GTF2E2: variants seen among roughly 807,000 people sequenced by gnomAD.
The protein encoded by GTF2E2 is general transcription factor IIE subunit 2.
A neutral mutation model predicts 40.5 loss-of-function variants in GTF2E2; 21 were observed. The observed-to-expected ratio is 0.52, with a 90% CI of 0.37 to 0.75. The LOEUF (loss-of-function observed/expected upper bound fraction) is 0.75. GTF2E2 is among the 30% of genes least tolerant of loss of function. The probability of loss-of-function intolerance (pLI) is 0.00; values close to 1 mark genes in which losing one functional copy is unlikely to be tolerated. For missense variants in GTF2E2, 298 were observed against 338.4 expected (o/e 0.88, Z 0.94); for synonymous variants, 117 against 121.6 (o/e 0.96, Z 0.25).
chr8:30,615,280 G>A (rs1401799722), intron 3 of GTF2E2, among the ~76,000 whole-genome samples: 1 of 151,984 alleles, frequency 6.6e-6, no homozygotes, highest in Non-Finnish European at 1.5e-5. Flanking sequence ...ACTCTGTCTT[G>A]AAAAAACACA....
chr8:30,623,860 GT>G (rs373450910), intron 3 of GTF2E2, among the ~76,000 whole-genome samples: 2 of 150,854 alleles, frequency 1.3e-5, no homozygotes, highest in East Asian at 1.9e-4. Flanking sequence ...TTTTGATGGG[GT>G]TTTTTTTTCT....
intron 3 of GTF2E2, among the ~76,000 whole-genome samples, chr8:30,631,171 C>A (rs2978268): frequency 0.4 from 60,129 of 151,868 alleles, 12,645 homozygotes; most frequent in African/African-American, 0.55. Flanking sequence ...CAGGCATGTG[C>A]CAACACACCT....
chr8:30,602,710 C>T (rs918214517), intron 6 of GTF2E2, among the ~76,000 whole-genome samples: 3 of 148,838 alleles, frequency 2.0e-5, no homozygotes, highest in Non-Finnish European at 3.0e-5. Context: ...GCCAAGACTG[C>T]ACCATTGCAC....
chr8:30,593,656 C>G (rs925908415), intron 6 of GTF2E2, among the ~76,000 whole-genome samples: 4 of 152,122 alleles, frequency 2.6e-5, no homozygotes, highest in Admixed American at 6.5e-5. Flanking sequence ...ACCACCACAC[C>G]AGGCTGAGTT....
chr8:30,619,232 G>A (rs1585971590), intron 3 of GTF2E2, among the ~76,000 whole-genome samples: 1 of 152,040 alleles, frequency 6.6e-6, no homozygotes, highest in African/African-American at 2.4e-5. Context: ...GAGCCACCGT[G>A]CCCAGTCTAC....
chr8:30,615,122 T>C (rs1217726204), intron 3 of GTF2E2, among the ~76,000 whole-genome samples: 2 of 151,716 alleles, frequency 1.3e-5, no homozygotes, highest in Non-Finnish European at 2.9e-5. Context: ...CTACTAAAAA[T>C]ATAAAAATCA....
intron 6 of GTF2E2, among the ~76,000 whole-genome samples, chr8:30,583,730 TAC>T (rs1828581017): frequency 1.3e-5 from 2 of 152,190 alleles, no homozygotes; most frequent in South Asian, 4.1e-4. Context: ...GATATTACTG[TAC>T]AGATTTATAT....
rs560049079 is a variant in GTF2E2 at position 30,589,992 on chromosome 8, C to T, written c.644-9596G>A. Among the ~76,000 whole-genome samples the T allele has an allele frequency of 3.8e-4, 58 of 152,296 alleles. No homozygotes were observed. In the South Asian group the frequency reaches 0.011, roughly 30 times the overall value. ...AATTTATGAAAATTAAAATCCTGCACATTTTACTGTACAATTCCTGAAGTT... is the reference window on the plus strand; with the variant it reads ...AATTTATGAAAATTAAAATCCTGCATATTTTACTGTACAATTCCTGAAGTT... On this transcript the variant is annotated intron_variant, in intron 6 of 7. Coordinates refer to ENST00000355904, the MANE Select transcript of GTF2E2 (RefSeq NM_002095.6).
In GTF2E2 at chr8:30,578,835, T is replaced by C. The variant is rs916406438; in HGVS notation, c.*86A>G. On this transcript the variant is annotated 3_prime_UTR_variant, in exon 8 of 8. Transcript: ENST00000355904. ...CCTCTCCTCAGCCGCAAGAAGCAGA[T>C]AGGAAGACAGTCTTCAGACCCCGAG... 14 of 770,900 alleles carry C rather than the reference T, an allele frequency of 1.8e-5. No homozygotes were observed. Among genetic ancestry groups the C allele is most frequent in the South Asian group, 8.4e-5 (6 of 71,342 alleles). 47.8% of individuals were successfully genotyped at this position (770,900 alleles called of 1,614,324 possible). A position where few individuals can be genotyped will look rare whatever the true frequency, so the allele number is the denominator to read the frequency against.
chr8:30,631,222 A>C (rs1041433282), intron 3 of GTF2E2, among the ~76,000 whole-genome samples: 20 of 152,112 alleles, frequency 1.3e-4, no homozygotes. Context: ...ACGGGGTTTC[A>C]CCATGTTGGC....
intron 2 of GTF2E2, among the ~76,000 whole-genome samples, chr8:30,651,422 T>A (rs1802272666): frequency 6.6e-6 from 1 of 151,198 alleles, no homozygotes; most frequent in Non-Finnish European, 1.5e-5. Flanking sequence ...AAAAAAAAAA[T>A]CAAAGAAAAC....
At chr8:30,614,811 C>T (rs2151130630) in intron 3 of GTF2E2, 96 bp from the exon 4 acceptor site, 1 of 686,030 alleles carries the variant, frequency 1.5e-6, no homozygotes, top group Non-Finnish European at 2.6e-6. Context: ...GAATGAAAAA[C>T]ATGTATTATT....
chr8:30,639,953 A>G (rs2128725430), intron 2 of GTF2E2, among the ~76,000 whole-genome samples: 1 of 152,200 alleles, frequency 6.6e-6, no homozygotes, highest in East Asian at 1.9e-4. Flanking sequence ...AGCACCAAAC[A>G]AAAGTCTCAG....
At chr8:30,646,979 C>CAAA (rs56762565) in intron 2 of GTF2E2, among the ~76,000 whole-genome samples, 1,564 of 51,140 alleles carry the variant, frequency 0.031, 454 homozygotes, top group African/African-American at 0.042. Context: ...GACTCCGTCT[C>CAAA]AAAAAAAAAA....
rs975436555 is a variant in GTF2E2, at chr8:30,658,173, C to T, written c.-205G>A. 34 of 194,788 alleles carry T rather than the reference C, an allele frequency of 1.7e-4. No individual in the cohort carries two copies. Among genetic ancestry groups the T allele is most frequent in the Non-Finnish European group, 2.7e-4 (26 of 96,284 alleles). 12.1% of individuals were successfully genotyped at this position (194,788 alleles called of 1,614,324 possible). A position where few individuals can be genotyped will look rare whatever the true frequency, so the allele number is the denominator to read the frequency against. On this transcript the variant is annotated 5_prime_UTR_variant, in exon 1 of 8. Coordinates refer to ENST00000355904, the MANE Select transcript of GTF2E2 (RefSeq NM_002095.6). ...GCGGCGGCGGCGGCAGCGGCGGTAG[C>T]TGAGGCGGCGACTGGACCCGGGACT...
chr8:30,589,664 T>A (rs1168817992), intron 6 of GTF2E2, among the ~76,000 whole-genome samples: 2 of 152,248 alleles, frequency 1.3e-5, no homozygotes, highest in Non-Finnish European at 2.9e-5. Context: ...GAGAATTCTG[T>A]CACTACCACA....
chr8:30,600,059 A>T (rs1000061362), intron 6 of GTF2E2, among the ~76,000 whole-genome samples: 1 of 152,228 alleles, frequency 6.6e-6, no homozygotes, highest in Non-Finnish European at 1.5e-5. Flanking sequence ...TAGCTACTAT[A>T]AGAATCCTGA....
chr8:30,651,127 T>C (rs771879925), intron 2 of GTF2E2, among the ~76,000 whole-genome samples: 6 of 151,964 alleles, frequency 3.9e-5, no homozygotes, highest in Non-Finnish European at 5.9e-5. Context: ...AAAAACCGAA[T>C]GCTTTGCCCC....
intron 6 of GTF2E2, among the ~76,000 whole-genome samples, chr8:30,587,481 A>AT (rs1355046684): frequency 1.3e-5 from 2 of 152,082 alleles, no homozygotes; most frequent in East Asian, 3.9e-4. Flanking sequence ...AAAAAAAAAA[A>AT]AATAACCTGA....
Sources: gnomAD v4.1 joint callset for allele counts (sites outside exome capture counted in the v4.1 genomes callset) on GRCh38, gnomAD v4.1.1 for gene constraint, MANE v1.5 for transcripts, NCBI Gene and HGNC (gene_info 2026-07-23, HGNC 2026-07-21) for gene names.